DPP10: variants seen among roughly 807,000 people sequenced by gnomAD.
The protein encoded by DPP10 is inactive dipeptidyl peptidase 10.
In DPP10, 33 loss-of-function variants were observed where a neutral mutation model predicts 120.9. That is an observed-to-expected ratio of 0.27 (90% CI 0.21 to 0.37). The LOEUF (loss-of-function observed/expected upper bound fraction) is 0.37, where lower values mean the gene tolerates loss of function less well. DPP10 is among the 10% of genes least tolerant of loss of function. DPP10 has a pLI of 1.00. For synonymous variants in DPP10, 337 were observed against 326.1 expected (o/e 1.03, Z -0.36); for missense variants, 816 against 942.8 (o/e 0.87, Z 1.76).
intron 1 of DPP10, among the ~76,000 whole-genome samples, chr2:114,622,524 T>C (rs1694178742): frequency 6.6e-6 from 1 of 152,092 alleles, no homozygotes; most frequent in South Asian, 2.1e-4. Flanking sequence ...TAATAGCTCT[T>C]CTGCTTTTCT....
intron 1 of DPP10, among the ~76,000 whole-genome samples, chr2:114,601,296 C>T (rs1692346369): frequency 6.6e-6 from 1 of 151,828 alleles, no homozygotes. Context: ...CTCTAATGAA[C>T]AACCTTTGCT....
chr2:114,717,406 AAT>A (rs1227365116), intron 1 of DPP10, among the ~76,000 whole-genome samples: 2 of 152,208 alleles, frequency 1.3e-5, no homozygotes, highest in African/African-American at 2.4e-5. Context: ...AATTTTTAGA[AAT>A]ATATCATTAA....
At chr2:115,389,964 C>T (rs913204591) in intron 3 of DPP10, among the ~76,000 whole-genome samples, 6 of 152,036 alleles carry the variant, frequency 3.9e-5, no homozygotes, top group Non-Finnish European at 5.9e-5. Context: ...TATTTTATTC[C>T]TCATAGGCAG....
At chr2:115,007,916 G>T (rs887535594) in intron 1 of DPP10, among the ~76,000 whole-genome samples, 4 of 151,980 alleles carry the variant, frequency 2.6e-5, no homozygotes, top group Non-Finnish European at 2.9e-5. Context: ...CGCTGCTCAA[G>T]GAAATAAAAG....
At position 114,473,861 on chromosome 2, in the gene DPP10, T is replaced by TTACA. The variant is rs577030675; in HGVS notation, c.60+31044_60+31047dup. Among the ~76,000 whole-genome samples the TTACA allele has an allele frequency of 7.7e-4, 118 of 152,264 alleles. No homozygotes were observed. The South Asian group carries it at 8.5e-3, about 11-fold the overall frequency. The stretch of plus-strand genomic sequence containing the variant: ...TATACATATTTGTATATATTTATAC[T>TTACA]TACATACATACATACATACATACAC... On this transcript the variant is annotated intron_variant, in intron 1 of 25. Transcript: ENST00000410059.
intron 1 of DPP10, among the ~76,000 whole-genome samples, chr2:115,298,556 C>G (rs911296216): frequency 6.6e-6 from 1 of 151,976 alleles, no homozygotes; most frequent in Non-Finnish European, 1.5e-5. Flanking sequence ...TCCTTCCCTC[C>G]CCAGGAACTC....
chr2:115,168,423 C>T (rs2053067770), intron 1 of DPP10, among the ~76,000 whole-genome samples: 1 of 152,178 alleles, frequency 6.6e-6, no homozygotes, highest in South Asian at 2.1e-4. Context: ...TAAACTTCTT[C>T]ATAAACTTAT....
chr2:114,928,083 T>G (rs1695773258), intron 1 of DPP10, among the ~76,000 whole-genome samples: 1 of 152,164 alleles, frequency 6.6e-6, no homozygotes, highest in African/African-American at 2.4e-5. Flanking sequence ...ACTTATGAGG[T>G]TTGGGGAGAC....
chr2:114,562,219 C>T (rs1688820229), intron 1 of DPP10, among the ~76,000 whole-genome samples: 1 of 152,182 alleles, frequency 6.6e-6, no homozygotes, highest in Admixed American at 6.5e-5. Flanking sequence ...TCTATGCTAC[C>T]TTTTCTATTT....
rs2106481906 is a variant in DPP10 at position 115,382,641 on chromosome 2, C to T, written c.271+38729C>T. Among the ~76,000 whole-genome samples the T allele has an allele frequency of 1.3e-5, 2 of 152,270 alleles. 1 individual carries two copies. Among genetic ancestry groups the T allele is most frequent in the South Asian group, 4.1e-4 (2 of 4,830 alleles). On this transcript the variant is annotated intron_variant, in intron 3 of 25. Transcript: ENST00000410059. ...AAATAGGTCTCTTCCTAGAAAATTGCTTTTAATGAAGGAGAGGTATGAGGT... is the reference window on the plus strand; with the variant it reads ...AAATAGGTCTCTTCCTAGAAAATTGTTTTTAATGAAGGAGAGGTATGAGGT...
intron 1 of DPP10, among the ~76,000 whole-genome samples, chr2:115,078,717 G>A (rs993844566): frequency 2.0e-5 from 3 of 152,124 alleles, no homozygotes; most frequent in Non-Finnish European, 2.9e-5. Context: ...CACGGGATTG[G>A]TCACCTGATA....
intron 1 of DPP10, among the ~76,000 whole-genome samples, chr2:114,679,698 C>T (rs1463710866): frequency 2.0e-5 from 3 of 151,886 alleles, no homozygotes; most frequent in Admixed American, 6.6e-5. Flanking sequence ...TCATAAATTA[C>T]TTATTGAAGA....
chr2:114,988,074 G>C (rs963622086), intron 1 of DPP10, among the ~76,000 whole-genome samples: 7 of 152,064 alleles, frequency 4.6e-5, no homozygotes, highest in Non-Finnish European at 4.4e-5. Context: ...AAAGTGCTGG[G>C]ATTACAGGCG....
intron 1 of DPP10, among the ~76,000 whole-genome samples, chr2:114,705,119 C>T (rs572865318): frequency 6.4e-4 from 98 of 152,206 alleles, no homozygotes; most frequent in African/African-American, 2.3e-3. Context: ...CAGACTAGAA[C>T]AAGGGGCCAT....
At chr2:115,004,918 C>G (rs1476706593) in intron 1 of DPP10, among the ~76,000 whole-genome samples, 3 of 152,118 alleles carry the variant, frequency 2.0e-5, no homozygotes, top group Non-Finnish European at 4.4e-5. Flanking sequence ...GGGGGCAGGG[C>G]ACAGACAAAC....
intron 7 of DPP10, among the ~76,000 whole-genome samples, chr2:115,710,592 C>T (rs560857950): frequency 6.6e-6 from 1 of 151,966 alleles, no homozygotes; most frequent in East Asian, 1.9e-4. Context: ...AAACAATGTT[C>T]ATTTTTTTTC....
intron 1 of DPP10, among the ~76,000 whole-genome samples, chr2:114,994,559 C>G (rs1477640194): frequency 1.3e-5 from 2 of 152,154 alleles, no homozygotes; most frequent in Non-Finnish European, 2.9e-5. Context: ...GACTGCAGGC[C>G]CTCCAGGATG....
intron 1 of DPP10, among the ~76,000 whole-genome samples, chr2:114,752,649 G>A (rs1320112344): frequency 6.6e-6 from 1 of 152,130 alleles, no homozygotes; most frequent in Non-Finnish European, 1.5e-5. Flanking sequence ...AGACTGTCCT[G>A]CAGGGCTGTT....
intron 5 of DPP10, among the ~76,000 whole-genome samples, chr2:115,548,118 A>G (rs1295360341): frequency 2.6e-5 from 4 of 152,216 alleles, no homozygotes; most frequent in Non-Finnish European, 5.9e-5. Context: ...AGAAAGCCGT[A>G]TAGAAAATGT....
Sources: allele counts gnomAD v4.1 joint callset (sites outside exome capture counted in the v4.1 genomes callset), GRCh38; gene constraint gnomAD v4.1.1; transcripts MANE v1.5; gene names NCBI Gene and HGNC (gene_info 2026-07-23, HGNC 2026-07-21).